TAFA4: variants seen among roughly 807,000 people sequenced by gnomAD.
TAFA4 encodes the protein TAFA chemokine like family member 4, also known as chemokine-like protein TAFA-4.
TAFA4 carries 20 observed loss-of-function variants against 21.1 expected under a neutral mutation model. The ratio of observed to expected loss-of-function variants is 0.95; its 90% CI spans 0.67 to 1.38. The LOEUF is 1.38. Among genes scored for constraint, TAFA4 ranks in the 40% most tolerant of loss-of-function variants. The pLI is 0.00. For synonymous variants in TAFA4, 71 were observed against 67.4 expected, an observed-to-expected ratio of 1.05 and a Z score of -0.26; for missense variants, 211 against 180.9, an observed-to-expected ratio of 1.17 and a Z score of -0.95.
intron 1 of TAFA4, among the ~76,000 whole-genome samples, chr3:68,907,454 A>G (rs184700406): frequency 6.6e-6 from 1 of 152,232 alleles, no homozygotes; most frequent in African/African-American, 2.4e-5. Context: ...AAAGAGCTAC[A>G]AAAGGGCTAT....
chr3:68,733,188 T>G, intron 5 of TAFA4, 35 bp from the exon 6 acceptor site: 4 of 1,607,390 alleles, frequency 2.5e-6, no homozygotes, highest in African/African-American at 1.3e-5. Context: ...CATTCAACAC[T>G]CTATACCCAC....
At chr3:68,759,289 C>A (rs1454086125) in intron 3 of TAFA4, among the ~76,000 whole-genome samples, 1 of 152,154 alleles carries the variant, frequency 6.6e-6, no homozygotes, top group African/African-American at 2.4e-5. Flanking sequence ...TAATCTCATC[C>A]AGAAACATCC....
intron 1 of TAFA4, among the ~76,000 whole-genome samples, chr3:68,909,352 TACA>T (rs1296224533): frequency 3.9e-5 from 6 of 152,130 alleles, no homozygotes; most frequent in African/African-American, 1.2e-4. Flanking sequence ...GCTTAACAGT[TACA>T]ACAATATCAA....
chr3:68,859,493 T>A (rs1038400087), intron 3 of TAFA4, among the ~76,000 whole-genome samples: 1 of 152,100 alleles, frequency 6.6e-6, no homozygotes, highest in Admixed American at 6.6e-5. Flanking sequence ...TAATCCATAA[T>A]AAAATAGAGA....
chr3:68,805,921 A>AT (rs1194812927), intron 3 of TAFA4, among the ~76,000 whole-genome samples: 6 of 152,188 alleles, frequency 3.9e-5, no homozygotes, highest in African/African-American at 1.4e-4. Context: ...AAACCTGCAC[A>AT]TTGTGCACAT....
At chr3:68,798,995 G>A (rs921373070) in intron 3 of TAFA4, among the ~76,000 whole-genome samples, 1 of 152,162 alleles carries the variant, frequency 6.6e-6, no homozygotes, top group Non-Finnish European at 1.5e-5. Flanking sequence ...TTTGTTTTAT[G>A]TTAAAAGAAA....
chr3:68,784,738 C>A lies in TAFA4; in HGVS notation c.131-31720G>T, dbSNP rs201548541. On this transcript the variant is annotated intron_variant, in intron 3 of 5. Transcript: ENST00000295569. ...CTGGCTCAGGCAGCCTGTTTTTATT[C>A]TCTTATCTGGCCCCACCCACATCCT... Among the ~76,000 whole-genome samples, 11 of 152,282 alleles carry A rather than the reference C, an allele frequency of 7.2e-5. No homozygotes were observed. The East Asian group carries it at 1.5e-3, about 21-fold the overall frequency.
chr3:68,784,068 G>A (rs2106801562), intron 3 of TAFA4, among the ~76,000 whole-genome samples: 1 of 152,264 alleles, frequency 6.6e-6, no homozygotes, highest in African/African-American at 2.4e-5. Flanking sequence ...AATCCAAAGG[G>A]TCACACGTTA....
At chr3:68,911,789 G>A (rs2089963698) in intron 1 of TAFA4, among the ~76,000 whole-genome samples, 1 of 152,200 alleles carries the variant, frequency 6.6e-6, no homozygotes, top group African/African-American at 2.4e-5. Context: ...CCTAGGAAGG[G>A]TGTGCATACG....
intron 3 of TAFA4, among the ~76,000 whole-genome samples, chr3:68,808,642 T>A (rs1215078424): frequency 1.3e-5 from 2 of 152,186 alleles, no homozygotes; most frequent in Non-Finnish European, 2.9e-5. Flanking sequence ...CTCTAGACTT[T>A]CCTTTATGGT....
intron 3 of TAFA4, among the ~76,000 whole-genome samples, chr3:68,810,193 G>A (rs1703802481): frequency 6.6e-6 from 1 of 152,102 alleles, no homozygotes; most frequent in Admixed American, 6.5e-5. Context: ...TAGTAATTCT[G>A]GAGCTGTTCC....
intron 3 of TAFA4, among the ~76,000 whole-genome samples, chr3:68,757,602 G>A (rs1166263819): frequency 1.3e-5 from 2 of 152,174 alleles, no homozygotes; most frequent in Non-Finnish European, 2.9e-5. Flanking sequence ...GATTTACTTA[G>A]AACTCTGTTG....
At chr3:68,864,672 A>T (rs935232562) in intron 3 of TAFA4, among the ~76,000 whole-genome samples, 1 of 152,186 alleles carries the variant, frequency 6.6e-6, no homozygotes, top group African/African-American at 2.4e-5. Flanking sequence ...TATGATAGCC[A>T]AAGTTAGAAA....
At chr3:68,827,778 A>G (rs1704287022) in intron 3 of TAFA4, among the ~76,000 whole-genome samples, 1 of 152,134 alleles carries the variant, frequency 6.6e-6, no homozygotes, top group Non-Finnish European at 1.5e-5. Flanking sequence ...GATTCTGGAT[A>G]TTAGCCCTTG....
intron 4 of TAFA4, among the ~76,000 whole-genome samples, chr3:68,751,049 A>G (rs191924921): frequency 3.3e-5 from 5 of 152,362 alleles, no homozygotes; most frequent in Non-Finnish European, 7.3e-5. Context: ...TGAAAGGAGA[A>G]TAAGAAGAAT....
chr3:68,898,280 G>A (rs1421532165), intron 1 of TAFA4, among the ~76,000 whole-genome samples: 1 of 152,196 alleles, frequency 6.6e-6, no homozygotes, highest in Non-Finnish European at 1.5e-5. Context: ...AGAAAATATG[G>A]AAAGGCATAT....
chr3:68,739,703 T>A (rs1171581423), intron 4 of TAFA4, among the ~76,000 whole-genome samples: 2 of 152,174 alleles, frequency 1.3e-5, no homozygotes, highest in African/African-American at 4.8e-5. Context: ...CAGAAGAGAA[T>A]GAAATCCTGT....
intron 1 of TAFA4, among the ~76,000 whole-genome samples, chr3:68,912,530 GC>G (rs2089969335): frequency 6.6e-6 from 1 of 152,210 alleles, no homozygotes. Context: ...CCCCGATCCT[GC>G]CGTGTTTTCG....
At chr3:68,904,874 G>A (rs955321935) in intron 1 of TAFA4, among the ~76,000 whole-genome samples, 1 of 152,198 alleles carries the variant, frequency 6.6e-6, no homozygotes, top group African/African-American at 2.4e-5. Context: ...AGTGAGGAAG[G>A]TGGCAAGAGA....
Sources: allele counts gnomAD v4.1 joint callset (sites outside exome capture counted in the v4.1 genomes callset), GRCh38; gene constraint gnomAD v4.1.1; transcripts MANE v1.5; gene names NCBI Gene and HGNC (gene_info 2026-07-23, HGNC 2026-07-21).